The following BCL2L14 variants were observed in gnomAD, a reference collection of about 807,000 sequenced individuals.
BCL2L14 encodes the protein apoptosis facilitator Bcl-2-like protein 14.
Under a neutral mutation model 35.3 loss-of-function variants are expected in BCL2L14, and 27 were observed. That is an observed-to-expected ratio of 0.76 (90% CI 0.56 to 1.05). BCL2L14 has a LOEUF of 1.05. BCL2L14 is among the 50% of genes least tolerant of loss of function. The pLI, the probability that BCL2L14 is intolerant of heterozygous loss-of-function variation, is 0.00. For synonymous variants in BCL2L14, 139 were observed against 145.9 expected (o/e 0.95, Z 0.34); for missense variants, 377 against 382.6 (o/e 0.99, Z 0.12).
intron 2 of BCL2L14, among the ~76,000 whole-genome samples, chr12:12,080,073 C>T (rs10845471): frequency 0.21 from 32,500 of 151,812 alleles, 3,986 homozygotes; most frequent in South Asian, 0.29. Flanking sequence ...GGCGTGTTGG[C>T]GGGTGCCTGT....
chr12:12,089,068 T>C (rs1949112178), intron 3 of BCL2L14, among the ~76,000 whole-genome samples: 1 of 152,182 alleles, frequency 6.6e-6, no homozygotes, highest in Non-Finnish European at 1.5e-5. Context: ...TCTTACTCAG[T>C]GTAGAACTTT....
upstream of BCL2L14, chr12:12,068,074 G>T: frequency 2.5e-6 from 1 of 396,804 alleles, no homozygotes; most frequent in East Asian, 3.6e-5. Flanking sequence ...CTCCTGAGTA[G>T]CTGAGACTAC....
chr12:12,066,394 A>C (rs1211921487), upstream of BCL2L14, among the ~76,000 whole-genome samples: 2 of 152,146 alleles, frequency 1.3e-5, no homozygotes, highest in Non-Finnish European at 2.9e-5. Flanking sequence ...TGGCCTTTCA[A>C]GTCTTCTTTG....
At chr12:12,078,765 C>T (rs188695465) in intron 1 of BCL2L14, among the ~76,000 whole-genome samples, 1 of 151,114 alleles carries the variant, frequency 6.6e-6, no homozygotes, top group African/African-American at 2.4e-5. Context: ...CTCTGTTAGA[C>T]CTCTTACTTA....
intron 1 of BCL2L14, among the ~76,000 whole-genome samples, chr12:12,078,830 C>T (rs992389630): frequency 1.3e-5 from 2 of 149,112 alleles, no homozygotes; most frequent in Non-Finnish European, 3.0e-5. Context: ...CGGAGTCTCA[C>T]TCTGTCGCCA....
intron 5 of BCL2L14, chr12:12,095,894 C>T (rs1949303612): frequency 1.0e-6 from 1 of 985,382 alleles, no homozygotes; most frequent in South Asian, 4.7e-5. Context: ...ACTTTTGCAC[C>T]AAGTTTGATA....
chr12:12,070,807 G>C (rs1259811116), upstream of BCL2L14: 2 of 152,148 alleles, frequency 1.3e-5, no homozygotes, highest in African/African-American at 4.8e-5. Flanking sequence ...TATCCCAAAG[G>C]GCAGGAAGAG....
At chr12:12,089,070 T>C (rs1165166244) in intron 3 of BCL2L14, among the ~76,000 whole-genome samples, 1 of 152,190 alleles carries the variant, frequency 6.6e-6, no homozygotes, top group Non-Finnish European at 1.5e-5. Context: ...TTACTCAGTG[T>C]AGAACTTTTA....
At chr12:12,050,429 T>A in intron 1 of BCL2L14, among the ~76,000 whole-genome samples, 1 of 83,434 alleles carries the variant, frequency 1.2e-5, no homozygotes, top group South Asian at 3.7e-4. Context: ...GGAGACACCA[T>A]CTCAAAAAAA....
At chr12:12,058,774 C>A (rs368726568) in intron 2 of BCL2L14, among the ~76,000 whole-genome samples, 2 of 152,196 alleles carry the variant, frequency 1.3e-5, no homozygotes, top group African/African-American at 4.8e-5. Flanking sequence ...TTCACACCGA[C>A]GCGCATGAAA....
intron 1 of BCL2L14, among the ~76,000 whole-genome samples, chr12:12,050,942 AAG>A (rs34331597): frequency 0.085 from 13,008 of 152,214 alleles, 720 homozygotes; most frequent in Non-Finnish European, 0.13. Flanking sequence ...AAGCTTGCAT[AAG>A]AGAGAGATTT....
rs531440320 is a variant in BCL2L14 at position 12,090,243 on chromosome 12, G to C, written c.608-536G>C. On this transcript the variant is annotated intron_variant, in intron 3 of 5. Coordinates refer to ENST00000308721, the MANE Select transcript of BCL2L14 (RefSeq NM_138723.2). Reference sequence around the variant, plus strand: ...CTGGGGGACTGAGCAAAGGAAGAAGGGGAAAGAAGGAAAGGAAGGGGCTGT... The same window carrying C: ...CTGGGGGACTGAGCAAAGGAAGAAGCGGAAAGAAGGAAAGGAAGGGGCTGT... Among the ~76,000 whole-genome samples, 41 of 152,242 alleles carry C rather than the reference G, an allele frequency of 2.7e-4. No individual in the cohort carries two copies. The South Asian group carries it at 7.9e-3, about 29-fold the overall frequency.
intron 1 of BCL2L14, among the ~76,000 whole-genome samples, chr12:12,074,110 T>C (rs577239079): frequency 1.8e-4 from 28 of 152,304 alleles, no homozygotes; most frequent in South Asian, 1.3e-3. Context: ...CTAATATTTA[T>C]TATATATTAG....
At chr12:12,083,808 C>T (rs926238826) in intron 2 of BCL2L14, among the ~76,000 whole-genome samples, 2 of 152,176 alleles carry the variant, frequency 1.3e-5, no homozygotes, top group South Asian at 2.1e-4. Context: ...ATTAGCCAGG[C>T]GCCATGGTGC....
intron 4 of BCL2L14, 92 bp downstream of exon 4, chr12:12,090,941 CCTTTCT>C (rs2136774285): frequency 3.3e-6 from 3 of 907,744 alleles, no homozygotes; most frequent in South Asian, 4.6e-5. Context: ...AACCTTATTC[CCTTTCT>C]AAGTCCTGGT....
intron 5 of BCL2L14, among the ~76,000 whole-genome samples, chr12:12,097,742 A>G (rs1949345856): frequency 6.6e-6 from 1 of 152,210 alleles, no homozygotes; most frequent in East Asian, 1.9e-4. Context: ...AAAAGAGGAA[A>G]GAGAAATGAA....
intron 1 of BCL2L14, chr12:12,072,147 G>A (rs1432706060): frequency 6.6e-6 from 1 of 152,284 alleles, no homozygotes. Context: ...GCGTAACTGG[G>A]GCACTGGGTG....
chr12:12,087,224 A>C lies in BCL2L14; in HGVS notation c.445A>C (p.Lys149Gln), dbSNP rs2416948. The change falls in exon 3 of 6, where the codon AAA (lysine) becomes CAA (glutamine). Residue 149 changes from lysine to glutamine, a missense_variant. Coordinates refer to ENST00000308721, the MANE Select transcript of BCL2L14 (RefSeq NM_138723.2). The part of the protein sequence containing the change: ...QCLEHEAVDP[K>Q]VISIANRVAE... The stretch of plus-strand genomic sequence containing the variant: ...TTGTCTTGTTTCAGCTGTGGACCCC[A>C]AAGTCATTTCCATTGCCAACCGAGT... The C allele has an allele frequency of 1.2e-6, 2 of 1,614,188 alleles. No individual in the cohort carries two copies. The highest frequency in any genetic ancestry group is 1.7e-6 in the Non-Finnish European group (2 of 1,180,020).
chr12:12,079,931 G>T (rs763509797), intron 2 of BCL2L14, among the ~76,000 whole-genome samples, 193 bp downstream of exon 2: 1 of 152,188 alleles, frequency 6.6e-6, no homozygotes, highest in African/African-American at 2.4e-5. Flanking sequence ...CTGCCTGGGC[G>T]CGGTGGCTCA....
Sources: allele counts gnomAD v4.1 joint callset (sites outside exome capture counted in the v4.1 genomes callset), GRCh38; gene constraint gnomAD v4.1.1; transcripts MANE v1.5; gene names NCBI Gene and HGNC (gene_info 2026-07-23, HGNC 2026-07-21).